RARB: variants seen among roughly 807,000 people sequenced by gnomAD.
RARB encodes the protein retinoic acid receptor beta.
Under a neutral mutation model 51.9 loss-of-function variants are expected in RARB, and 17 were observed. The ratio of observed to expected loss-of-function variants is 0.33; its 90% CI spans 0.22 to 0.49. The LOEUF (loss-of-function observed/expected upper bound fraction) is 0.49. Among genes scored for constraint, RARB ranks in the 20% least tolerant of loss-of-function variants. The probability of loss-of-function intolerance (pLI) is 0.99; values close to 1 mark genes in which losing one functional copy is unlikely to be tolerated. For missense variants in RARB, 369 were observed against 550.8 expected (o/e 0.67, Z 3.30); for synonymous variants, 215 against 195.4 (o/e 1.10, Z -0.84).
intron 5 of RARB, among the ~76,000 whole-genome samples, chr3:25,234,266 T>C (rs1702251499): frequency 6.6e-6 from 1 of 152,190 alleles, no homozygotes; most frequent in Non-Finnish European, 1.5e-5. Context: ...GTTACACATT[T>C]CTTCTTGAGT....
chr3:24,840,219 G>A lies in RARB; in HGVS notation c.-459+10816G>A, dbSNP rs1380540578. 3.9e-5 allele frequency among the ~76,000 whole-genome samples: 6 copies of A among 152,248 alleles called. No homozygotes were observed. In the East Asian group the frequency reaches 9.6e-4, roughly 24 times the overall value. On this transcript the variant is annotated intron_variant, in intron 1 of 11. Coordinates refer to the RARB transcript ENST00000383772. ...ACAAGATTCTAGATCTGGACACCTG[G>A]CATCTTATCAACCACCATCAATTCT...
At chr3:25,262,613 G>A (rs1235889881) in intron 5 of RARB, among the ~76,000 whole-genome samples, 1 of 152,106 alleles carries the variant, frequency 6.6e-6, no homozygotes, top group Non-Finnish European at 1.5e-5. Flanking sequence ...ATGGCTGGTT[G>A]ACTCCTTCTC....
At chr3:25,514,715 G>A (rs771524444) in intron 3 of RARB, among the ~76,000 whole-genome samples, 3 of 152,156 alleles carry the variant, frequency 2.0e-5, no homozygotes, top group Non-Finnish European at 2.9e-5. Flanking sequence ...AACTTAACTA[G>A]TGTTTGAAAA....
chr3:24,924,519 A>T (rs929334731), intron 2 of RARB, among the ~76,000 whole-genome samples: 95 of 152,298 alleles, frequency 6.2e-4, no homozygotes, highest in South Asian at 8.3e-4. Context: ...ATTTTCATTT[A>T]ATGTTTTCTT....
At chr3:25,458,889 A>T (rs990707464) in intron 1 of RARB, among the ~76,000 whole-genome samples, 1 of 151,976 alleles carries the variant, frequency 6.6e-6, no homozygotes, top group African/African-American at 2.4e-5. Flanking sequence ...AACAACTTAG[A>T]GGGACTCTTA....
chr3:25,300,596 A>G (rs1704017024), intron 5 of RARB, among the ~76,000 whole-genome samples: 6 of 152,174 alleles, frequency 3.9e-5, no homozygotes, highest in Admixed American at 3.9e-4. Context: ...TAACAGGATC[A>G]TAAAGCCTTT....
intron 3 of RARB, among the ~76,000 whole-genome samples, chr3:25,124,193 T>G (rs1001529025): frequency 6.6e-6 from 1 of 152,130 alleles, no homozygotes; most frequent in Non-Finnish European, 1.5e-5. Flanking sequence ...GCCAACATAG[T>G]GAAACTTTGT....
At chr3:24,924,080 A>T (rs761190162) in intron 2 of RARB, among the ~76,000 whole-genome samples, 8 of 152,172 alleles carry the variant, frequency 5.3e-5, no homozygotes, top group Non-Finnish European at 1.2e-4. Context: ...TCCAAAACCC[A>T]TAGCCTTCTA....
At chr3:24,977,359 A>T (rs1016027912) in intron 2 of RARB, among the ~76,000 whole-genome samples, 3 of 152,002 alleles carry the variant, frequency 2.0e-5, no homozygotes, top group African/African-American at 7.2e-5. Context: ...GGCGGTATGG[A>T]GACTTTCAAA....
chr3:25,025,244 A>G (rs969284684), intron 2 of RARB: 2 of 152,236 alleles, frequency 1.3e-5, no homozygotes, highest in African/African-American at 4.8e-5. Flanking sequence ...CTTTAATTGT[A>G]ATTTAATGTC....
chr3:25,316,783 T>G (rs901367337), intron 5 of RARB, among the ~76,000 whole-genome samples: 1 of 152,240 alleles, frequency 6.6e-6, no homozygotes, highest in African/African-American at 2.4e-5. Context: ...CTTTAAATTT[T>G]TGTCCTTTTC....
intron 5 of RARB, among the ~76,000 whole-genome samples, chr3:25,243,574 G>A (rs1346752324): frequency 6.6e-6 from 1 of 152,034 alleles, no homozygotes; most frequent in African/African-American, 2.4e-5. Context: ...AATCATGTGA[G>A]TTTTGTCATT....
chr3:25,283,919 C>G (rs1370738931), intron 5 of RARB, among the ~76,000 whole-genome samples: 1 of 152,186 alleles, frequency 6.6e-6, no homozygotes, highest in Non-Finnish European at 1.5e-5. Context: ...TAATCTCTTC[C>G]CTTTGTACAC....
At chr3:25,251,128 G>A (rs1047617486) in intron 5 of RARB, among the ~76,000 whole-genome samples, 3 of 152,068 alleles carry the variant, frequency 2.0e-5, no homozygotes, top group East Asian at 3.9e-4. Flanking sequence ...CAGCCACCTT[G>A]AATATGCATT....
At chr3:25,487,273 T>G in intron 2 of RARB, among the ~76,000 whole-genome samples, 1 of 152,196 alleles carries the variant, frequency 6.6e-6, no homozygotes. Context: ...ATGGGTTACT[T>G]TGGCTTTAAA....
chr3:25,321,770 T>C (rs764395893), intron 5 of RARB, among the ~76,000 whole-genome samples: 6 of 151,664 alleles, frequency 4.0e-5, no homozygotes. Context: ...CTTGAATCAA[T>C]GCAAAGAGAC....
intron 3 of RARB, among the ~76,000 whole-genome samples, chr3:25,112,468 C>G (rs1699619121): frequency 6.6e-6 from 1 of 151,996 alleles, no homozygotes. Context: ...TATTAAATAA[C>G]AATACTTCCT....
intron 2 of RARB, among the ~76,000 whole-genome samples, chr3:24,983,712 T>C (rs1024852191): frequency 6.6e-6 from 1 of 152,100 alleles, no homozygotes; most frequent in African/African-American, 2.4e-5. Context: ...TTCTATTTGC[T>C]AGAAAAAAAT....
At chr3:25,036,516 G>A (rs980629739) in intron 2 of RARB, among the ~76,000 whole-genome samples, 3 of 151,932 alleles carry the variant, frequency 2.0e-5, no homozygotes, top group African/African-American at 7.3e-5. Context: ...TTTATTGATG[G>A]CCTACTGTGT....
Sources: allele counts gnomAD v4.1 joint callset (sites outside exome capture counted in the v4.1 genomes callset), GRCh38; gene constraint gnomAD v4.1.1; transcripts MANE v1.5; gene names NCBI Gene and HGNC (gene_info 2026-07-23, HGNC 2026-07-21).